The following ANK2 variants were observed in gnomAD, a reference collection of about 807,000 sequenced individuals.
ANK2 encodes ankyrin 2, also known as ankyrin-2.
Under a neutral mutation model 360.5 loss-of-function variants are expected in ANK2, and 83 were observed. The observed-to-expected ratio is 0.23, with a 90% CI of 0.19 to 0.28. The LOEUF (loss-of-function observed/expected upper bound fraction) is 0.28, where lower values mean the gene tolerates loss of function less well. ANK2 is among the 10% of genes least tolerant of loss of function. The pLI, the probability that ANK2 is intolerant of heterozygous loss-of-function variation, is 1.00. For missense variants in ANK2, 4,201 were observed against 4,795.7 expected (o/e 0.88, Z 3.66); for synonymous variants, 1,740 against 1,759.5 (o/e 0.99, Z 0.28).
intron 15 of ANK2, among the ~76,000 whole-genome samples, chr4:113,276,688 C>G (rs916168066): frequency 6.6e-5 from 10 of 152,206 alleles, no homozygotes; most frequent in African/African-American, 2.4e-5. Context: ...AAGATTCGCT[C>G]TCTTCCAAGG....
At chr4:113,233,120 T>TGGCCCCACTGATAAAA (rs2099336003) in intron 5 of ANK2, among the ~76,000 whole-genome samples, 1 of 20,252 alleles carries the variant, frequency 4.9e-5, no homozygotes, top group African/African-American at 1.7e-4. Context: ...TTTTTTTTTT[T>TGGCCCCACTGATAAAA]TTTTTTTTTT....
chr4:113,272,359 G>A (rs1009988963), intron 14 of ANK2, among the ~76,000 whole-genome samples: 3 of 152,258 alleles, frequency 2.0e-5, no homozygotes, highest in East Asian at 3.9e-4. Flanking sequence ...GGCTTCCCTC[G>A]TTTCTTTACC....
the ANK2 span, among the ~76,000 whole-genome samples, chr4:112,713,412 A>G: frequency 4.3e-4 from 65 of 152,326 alleles, no homozygotes; most frequent in African/African-American, 1.4e-3. Context: ...TCTACTAAAA[A>G]TACAAAATTA....
At chr4:113,366,811 A>G (rs1319917996) in intron 41 of ANK2, among the ~76,000 whole-genome samples, 1 of 152,180 alleles carries the variant, frequency 6.6e-6, no homozygotes, top group Non-Finnish European at 1.5e-5. Context: ...ATAAATATAT[A>G]TCTGCAGAAA....
rs193174573 is a variant in ANK2, at chr4:113,346,324, T to C, written c.4371+302T>C. On this transcript the variant is annotated intron_variant, in intron 35 of 45. Transcript: ENST00000357077. Reference sequence around the variant, plus strand: ...GGAAGTAAGAAAATTTGGCTTCAGATTTAACTTTTTGAAGAAATTTTTAAA... The same window carrying C: ...GGAAGTAAGAAAATTTGGCTTCAGACTTAACTTTTTGAAGAAATTTTTAAA... Among the ~76,000 whole-genome samples, 10 of 152,296 alleles carry C rather than the reference T, an allele frequency of 6.6e-5. No individual in the cohort carries two copies. The East Asian group carries it at 1.5e-3, about 24-fold the overall frequency.
the ANK2 span, among the ~76,000 whole-genome samples, chr4:112,760,485 C>T: frequency 6.6e-6 from 1 of 151,682 alleles, no homozygotes; most frequent in African/African-American, 2.4e-5. Flanking sequence ...CCGTGCCCAG[C>T]CTCAAATTCC....
the ANK2 span, among the ~76,000 whole-genome samples, chr4:112,759,287 C>T: frequency 6.6e-6 from 1 of 151,974 alleles, no homozygotes; most frequent in African/African-American, 2.4e-5. Flanking sequence ...AGGCACACAC[C>T]ACTGTGCCTG....
At chr4:112,832,105 G>A (rs775178992) in intron 1 of ANK2, among the ~76,000 whole-genome samples, 3 of 152,216 alleles carry the variant, frequency 2.0e-5, no homozygotes, top group African/African-American at 4.8e-5. Context: ...AGGCTGGAGC[G>A]CAGTGCTACA....
At chr4:112,852,563 A>G (rs975880041) in intron 1 of ANK2, among the ~76,000 whole-genome samples, 4 of 152,250 alleles carry the variant, frequency 2.6e-5, no homozygotes, top group African/African-American at 9.6e-5. Flanking sequence ...TTAGGATAGT[A>G]TGAATTATTT....
At position 113,356,214 on chromosome 4, in the gene ANK2, G is replaced by A; in HGVS notation, c.7596G>A (p.Gly2532=). 1 of 1,613,980 alleles carries A rather than the reference G, an allele frequency of 6.2e-7. No homozygotes were observed. The highest frequency in any genetic ancestry group is 8.5e-7 in the Non-Finnish European group (1 of 1,179,964). ...LEQTSLMESS[G]KSPLSPDTPS... ...AGACATCGCTCATGGAGAGCTCAGGGAAGAGCCCCCTTTCTCCTGACACCC... is the reference window on the plus strand; with the variant it reads ...AGACATCGCTCATGGAGAGCTCAGGAAAGAGCCCCCTTTCTCCTGACACCC... The change falls in exon 38 of 46, where the codon GGG becomes GGA. Residue 2532 remains glycine, a synonymous_variant. Transcript: ENST00000357077.
At chr4:113,351,524 TC>T (rs889099099) in intron 37 of ANK2, among the ~76,000 whole-genome samples, 2 of 152,144 alleles carry the variant, frequency 1.3e-5, no homozygotes, top group African/African-American at 4.8e-5. Flanking sequence ...ATACAGATTC[TC>T]CCAAGAGAAG....
chr4:112,776,917 C>G, the ANK2 span, among the ~76,000 whole-genome samples: 81 of 152,272 alleles, frequency 5.3e-4, no homozygotes, highest in African/African-American at 1.9e-3. Flanking sequence ...ACACAACCCT[C>G]TCTATTAACT....
chr4:112,977,297 T>G (rs2041753206), intron 2 of ANK2, among the ~76,000 whole-genome samples: 1 of 152,182 alleles, frequency 6.6e-6, no homozygotes, highest in South Asian at 2.1e-4. Flanking sequence ...TAAATAATAT[T>G]GTTGAAATTA....
At chr4:113,312,913 A>T (rs529036703) in intron 24 of ANK2, among the ~76,000 whole-genome samples, 1 of 152,322 alleles carries the variant, frequency 6.6e-6, no homozygotes, top group East Asian at 1.9e-4. Flanking sequence ...TATTAACTGC[A>T]GGTGTCATGA....
At chr4:113,069,611 A>G (rs1243590693) in intron 1 of ANK2, among the ~76,000 whole-genome samples, 1 of 152,210 alleles carries the variant, frequency 6.6e-6, no homozygotes, top group Admixed American at 6.5e-5. Flanking sequence ...ACTAAATAGG[A>G]CAAGAAAGAG....
chr4:112,853,344 G>A (rs538415383), intron 1 of ANK2, among the ~76,000 whole-genome samples: 126 of 152,222 alleles, frequency 8.3e-4, no homozygotes, highest in African/African-American at 2.4e-3. Context: ...TGGGATTGCA[G>A]GCGTGAGCCA....
chr4:113,369,887 T>G (rs2096667721), intron 43 of ANK2, 82 bp downstream of exon 43: 1 of 1,587,518 alleles, frequency 6.3e-7, no homozygotes, highest in Non-Finnish European at 8.6e-7. Context: ...ATGGTTTATT[T>G]TTTGCACTTC....
At chr4:112,903,406 T>G (rs116662225) in intron 1 of ANK2, among the ~76,000 whole-genome samples, 1,673 of 152,376 alleles carry the variant, frequency 0.011, 28 homozygotes, top group African/African-American at 0.038. Flanking sequence ...GTGATTCTGC[T>G]ATAATTGGTC....
intron 27 of ANK2, among the ~76,000 whole-genome samples, chr4:113,331,732 G>A (rs776794516): frequency 5.9e-5 from 9 of 151,984 alleles, no homozygotes; most frequent in Admixed American, 2.0e-4. Context: ...GTGCCCTGGC[G>A]GTGAACCTAA....
Sources: allele counts gnomAD v4.1 joint callset (sites outside exome capture counted in the v4.1 genomes callset), GRCh38; gene constraint gnomAD v4.1.1; transcripts MANE v1.5; gene names NCBI Gene and HGNC (gene_info 2026-07-23, HGNC 2026-07-21).